Variants in ERBB4 observed in about 807,000 individuals in gnomAD.
ERBB4 encodes receptor tyrosine-protein kinase erbB-4.
Under a neutral mutation model 158.0 loss-of-function variants are expected in ERBB4, and 42 were observed. The ratio of observed to expected loss-of-function variants is 0.27; its 90% CI spans 0.21 to 0.34. The LOEUF (loss-of-function observed/expected upper bound fraction) is 0.34, where lower values mean the gene tolerates loss of function less well. ERBB4 is among the 10% of genes least tolerant of loss of function. The pLI, the probability that ERBB4 is intolerant of heterozygous loss-of-function variation, is 1.00. For synonymous variants in ERBB4, 583 were observed against 558.7 expected, an observed-to-expected ratio of 1.04 and a Z score of -0.61; for missense variants, 1,333 against 1,624.1, an observed-to-expected ratio of 0.82 and a Z score of 3.08.
At chr2:211,842,155 G>A (rs1192644493) in intron 3 of ERBB4, among the ~76,000 whole-genome samples, 2 of 151,822 alleles carry the variant, frequency 1.3e-5, no homozygotes, top group East Asian at 1.9e-4. Context: ...AAAACAAGGT[G>A]ATTTGAATTT....
intron 19 of ERBB4, among the ~76,000 whole-genome samples, chr2:211,570,648 C>G (rs2067696272): frequency 6.6e-6 from 1 of 152,118 alleles, no homozygotes; most frequent in South Asian, 2.1e-4. Context: ...TACAACTTCA[C>G]CTTCACTGTG....
At chr2:212,301,567 A>G (rs937335983) in intron 1 of ERBB4, among the ~76,000 whole-genome samples, 4 of 151,408 alleles carry the variant, frequency 2.6e-5, no homozygotes, top group Admixed American at 6.6e-5. Flanking sequence ...GGTGTTGGAC[A>G]TATCTTGGTA....
intron 19 of ERBB4, among the ~76,000 whole-genome samples, chr2:211,590,222 C>T (rs2068418925): frequency 6.6e-6 from 1 of 152,162 alleles, no homozygotes; most frequent in African/African-American, 2.4e-5. Flanking sequence ...TCCAAGCTGT[C>T]CTTATTCATT....
At chr2:212,464,407 T>C (rs2106086171) in intron 1 of ERBB4, among the ~76,000 whole-genome samples, 1 of 152,266 alleles carries the variant, frequency 6.6e-6, no homozygotes, top group East Asian at 1.9e-4. Context: ...TTGTTTTGTT[T>C]GTTGTTCATT....
chr2:212,143,772 C>T (rs58176578), intron 1 of ERBB4, among the ~76,000 whole-genome samples: 4,292 of 152,076 alleles, frequency 0.028, 210 homozygotes, highest in African/African-American at 0.097. Flanking sequence ...AATCCCAGCA[C>T]TTTGAGAGGC....
intron 3 of ERBB4, among the ~76,000 whole-genome samples, chr2:211,931,402 A>G (rs1172127069): frequency 6.6e-6 from 1 of 152,052 alleles, no homozygotes; most frequent in African/African-American, 2.4e-5. Flanking sequence ...ATGCACATAG[A>G]GTTGCATTTT....
In ERBB4 at chr2:211,861,037, A is replaced by G. The variant is rs1443652511; in HGVS notation, c.422-72878T>C. Among the ~76,000 whole-genome samples, 9 of 8,178 alleles carry G rather than the reference A, an allele frequency of 1.1e-3. 1 individual carries two copies. In the South Asian group the frequency reaches 0.015, roughly 13 times the overall value. The allele number at this position is 8,178 out of a possible 152,430, so 5.4% of individuals were successfully genotyped here. On this transcript the variant is annotated intron_variant, in intron 3 of 27. Coordinates refer to ENST00000342788, the MANE Select transcript of ERBB4 (RefSeq NM_005235.3). ...ATATTTATATATATATAAATATAAT[A>G]TATTTATATATTTATATATATATAA...
At chr2:211,581,072 T>C (rs961848942) in intron 19 of ERBB4, among the ~76,000 whole-genome samples, 8 of 150,084 alleles carry the variant, frequency 5.3e-5, no homozygotes, top group African/African-American at 2.0e-4. Context: ...GCTATGGGGA[T>C]GCAAAGGCAT....
At chr2:211,805,722 A>G (rs1453875257) in intron 3 of ERBB4, among the ~76,000 whole-genome samples, 1 of 152,186 alleles carries the variant, frequency 6.6e-6, no homozygotes, top group African/African-American at 2.4e-5. Flanking sequence ...ACCAATACCA[A>G]AAATAGATAA....
At chr2:211,927,835 AGGTT>A (rs929233068) in intron 3 of ERBB4, among the ~76,000 whole-genome samples, 1 of 152,088 alleles carries the variant, frequency 6.6e-6, no homozygotes, top group Admixed American at 6.6e-5. Flanking sequence ...ACTTACGAGG[AGGTT>A]AAATATTACT....
chr2:212,090,401 G>A (rs1013106054), intron 2 of ERBB4, among the ~76,000 whole-genome samples: 12 of 152,036 alleles, frequency 7.9e-5, no homozygotes, highest in Non-Finnish European at 1.5e-5. Context: ...AAACTTTCAT[G>A]GCTCTATTTC....
intron 1 of ERBB4, among the ~76,000 whole-genome samples, chr2:212,286,600 T>TTTTTTTTG (rs1285718598): frequency 3.8e-5 from 3 of 79,190 alleles, no homozygotes; most frequent in Non-Finnish European, 4.7e-5. Context: ...CTGACTTTTT[T>TTTTTTTTG]TTTTTTTTTT....
intron 1 of ERBB4, among the ~76,000 whole-genome samples, chr2:212,267,593 A>ATTTCTTTTCTT (rs2085185178): frequency 2.9e-5 from 2 of 70,082 alleles, no homozygotes; most frequent in South Asian, 3.5e-4. Flanking sequence ...CATAGTTCTC[A>ATTTCTTTTCTT]TTTCTTTTTT....
intron 2 of ERBB4, among the ~76,000 whole-genome samples, chr2:212,060,563 ACGTCCATC>A: frequency 7.0e-6 from 1 of 143,330 alleles, no homozygotes; most frequent in Non-Finnish European, 1.6e-5. Flanking sequence ...ACCCACCCCA[ACGTCCATC>A]AATGATAGAC....
chr2:211,532,591 A>G (rs939603723), intron 20 of ERBB4, among the ~76,000 whole-genome samples: 5 of 152,086 alleles, frequency 3.3e-5, no homozygotes, highest in Admixed American at 2.0e-4. Context: ...TATGTCAACA[A>G]TGATCTCTAC....
At chr2:212,439,339 C>G (rs1560324128) in intron 1 of ERBB4, among the ~76,000 whole-genome samples, 1 of 152,168 alleles carries the variant, frequency 6.6e-6, no homozygotes, top group Non-Finnish European at 1.5e-5. Context: ...AAATGTATCT[C>G]TAACTTTATC....
Position 211,653,232 on chromosome 2 carries a change from T to A in ERBB4, c.1946+4522A>T, listed in dbSNP as rs527390057. On this transcript the variant is annotated intron_variant, in intron 16 of 27. Coordinates refer to ENST00000342788, the MANE Select transcript of ERBB4 (RefSeq NM_005235.3). ...TAGGGAGAGGTTCTAAAATATCAAG[T>A]ATTATTTTCATTATAAGCAGCATAT... 8.5e-5 allele frequency among the ~76,000 whole-genome samples: 13 copies of A among 152,292 alleles called. No individual in the cohort carries two copies. The East Asian group carries it at 2.5e-3, about 29-fold the overall frequency.
intron 25 of ERBB4, among the ~76,000 whole-genome samples, chr2:211,394,500 TAAA>T (rs983695241): frequency 2.0e-5 from 3 of 152,260 alleles, no homozygotes; most frequent in African/African-American, 7.2e-5. Context: ...GCCAGAAACC[TAAA>T]GAGGAAAACT....
chr2:211,886,470 A>G (rs2078804210), intron 3 of ERBB4, among the ~76,000 whole-genome samples: 1 of 152,240 alleles, frequency 6.6e-6, no homozygotes, highest in Non-Finnish European at 1.5e-5. Flanking sequence ...AAGTACTTAT[A>G]TGTGAATTCT....
Sources: gnomAD v4.1 joint callset for allele counts (sites outside exome capture counted in the v4.1 genomes callset) on GRCh38, gnomAD v4.1.1 for gene constraint, MANE v1.5 for transcripts, NCBI Gene and HGNC (gene_info 2026-07-23, HGNC 2026-07-21) for gene names.